DLC1: variants seen among roughly 807,000 people sequenced by gnomAD.
DLC1 encodes DLC1 Rho GTPase activating protein, also known as rho GTPase-activating protein 7.
A neutral mutation model predicts 140.3 loss-of-function variants in DLC1; 54 were observed. The observed-to-expected ratio is 0.38, with a 90% CI of 0.31 to 0.48. The LOEUF (loss-of-function observed/expected upper bound fraction) is 0.48, where lower values mean the gene tolerates loss of function less well. Among genes scored for constraint, DLC1 ranks in the 20% least tolerant of loss-of-function variants. The pLI is 0.96. For synonymous variants in DLC1, 986 were observed against 728.1 expected (o/e 1.35, Z -5.70); for missense variants, 2,536 against 1,907.0 (o/e 1.33, Z -6.14).
At chr8:13,217,992 A>G (rs751224329) in intron 5 of DLC1, among the ~76,000 whole-genome samples, 11 of 152,190 alleles carry the variant, frequency 7.2e-5, no homozygotes, top group Admixed American at 1.3e-4. Flanking sequence ...TACCAGAAAC[A>G]TGACAGAAGC....
intron 2 of DLC1, among the ~76,000 whole-genome samples, chr8:13,430,005 G>T (rs903634769): frequency 8.5e-5 from 13 of 152,072 alleles, no homozygotes; most frequent in African/African-American, 2.9e-4. Context: ...GATTCACCTC[G>T]AATCACCTTA....
intron 2 of DLC1, among the ~76,000 whole-genome samples, chr8:13,494,878 G>C (rs1055502058): frequency 6.6e-6 from 1 of 152,098 alleles, no homozygotes; most frequent in Admixed American, 6.5e-5. Flanking sequence ...TTGAACCCAG[G>C]AGGCGGAAGT....
At chr8:13,362,898 C>A (rs1216769141) in intron 4 of DLC1, among the ~76,000 whole-genome samples, 1 of 152,150 alleles carries the variant, frequency 6.6e-6, no homozygotes, top group African/African-American at 2.4e-5. Context: ...AGTGTTCCAG[C>A]ATCCTAGAGA....
intron 4 of DLC1, among the ~76,000 whole-genome samples, chr8:13,315,829 A>G (rs569320676): frequency 2.1e-3 from 326 of 152,318 alleles, no homozygotes; most frequent in Non-Finnish European, 3.5e-3. Context: ...GATCAGTTTA[A>G]CATTTGCCTC....
intron 4 of DLC1, among the ~76,000 whole-genome samples, chr8:13,384,904 T>C (rs289527): frequency 0.71 from 108,544 of 151,980 alleles, 39,052 homozygotes; most frequent in East Asian, 0.91. Flanking sequence ...AACAGGCTTA[T>C]CCTAGAGGCT....
chr8:13,594,551 C>T (rs374593207), intron 1 of DLC1, among the ~76,000 whole-genome samples: 14 of 152,080 alleles, frequency 9.2e-5, no homozygotes, highest in Admixed American at 5.9e-4. Flanking sequence ...CGATTTTCTG[C>T]GTAAGTCTTC....
At chr8:13,327,689 C>T (rs1165886957) in intron 4 of DLC1, among the ~76,000 whole-genome samples, 1 of 152,124 alleles carries the variant, frequency 6.6e-6, no homozygotes, top group African/African-American at 2.4e-5. Context: ...TGTACTGAGC[C>T]TCTACTCTGT....
At chr8:13,267,989 T>G (rs2117365201) in intron 5 of DLC1, among the ~76,000 whole-genome samples, 1 of 152,346 alleles carries the variant, frequency 6.6e-6, no homozygotes, top group African/African-American at 2.4e-5. Flanking sequence ...GCTGAAATTC[T>G]GTGGAATCAA....
At chr8:13,421,327 C>A (rs2046193) in intron 2 of DLC1, among the ~76,000 whole-genome samples, 4 of 151,914 alleles carry the variant, frequency 2.6e-5, no homozygotes, top group Non-Finnish European at 5.9e-5. Flanking sequence ...TCTGCAACCC[C>A]TAAAGTACCC....
At chr8:13,224,641 T>G (rs1350074774) in intron 5 of DLC1, among the ~76,000 whole-genome samples, 1 of 152,162 alleles carries the variant, frequency 6.6e-6, no homozygotes, top group East Asian at 1.9e-4. Flanking sequence ...TCTGCTTTGT[T>G]TTTCCTGTAC....
At chr8:13,179,303 AGTTG>A (rs201996313) in intron 5 of DLC1, among the ~76,000 whole-genome samples, 2,438 of 152,162 alleles carry the variant, frequency 0.016, 66 homozygotes, top group African/African-American at 0.055. Context: ...TCGTCTGCAG[AGTTG>A]GTTGGTAATG....
At chr8:13,363,371 GTTT>G (rs57084358) in intron 4 of DLC1, among the ~76,000 whole-genome samples, 28,191 of 144,124 alleles carry the variant, frequency 0.2, 2,912 homozygotes, top group Non-Finnish European at 0.24. Flanking sequence ...CATTTGCAGT[GTTT>G]TTTTTTTTTT....
At chr8:13,186,545 T>A (rs1209910399) in intron 5 of DLC1, among the ~76,000 whole-genome samples, 1 of 152,164 alleles carries the variant, frequency 6.6e-6, no homozygotes, top group Non-Finnish European at 1.5e-5. Flanking sequence ...AGGTAGCCAT[T>A]CGTCTAATCT....
rs574358451 is a variant in DLC1 at position 13,250,498 on chromosome 8, AG to A, written c.1348+54770del. 1.3e-3 allele frequency among the ~76,000 whole-genome samples: 203 copies of A among 152,332 alleles called. 3 individuals are homozygous for A. The highest frequency in any genetic ancestry group is 2.0e-3 in the Non-Finnish European group (138 of 68,034). ...GTAATTATTGTTATGGTAATTCTGGAGTAAAGTACTTACTTTAATCCACATC... is the reference window on the plus strand; with the variant it reads ...GTAATTATTGTTATGGTAATTCTGGATAAAGTACTTACTTTAATCCACATC... On this transcript the variant is annotated intron_variant, in intron 5 of 17. Transcript: ENST00000276297.
intron 2 of DLC1, among the ~76,000 whole-genome samples, chr8:13,474,886 C>T (rs180683733): frequency 6.6e-5 from 10 of 152,206 alleles, no homozygotes; most frequent in Non-Finnish European, 1.3e-4. Flanking sequence ...TTTGATTTTA[C>T]AGGCTCATAG....
chr8:13,362,079 C>G (rs912621046), intron 4 of DLC1, among the ~76,000 whole-genome samples: 2 of 152,212 alleles, frequency 1.3e-5, no homozygotes, highest in African/African-American at 2.4e-5. Flanking sequence ...TTTCCAGCCT[C>G]AGGCTCTGAA....
intron 5 of DLC1, among the ~76,000 whole-genome samples, chr8:13,168,348 C>G (rs1169182186): frequency 2.6e-5 from 4 of 152,164 alleles, no homozygotes; most frequent in Admixed American, 2.0e-4. Flanking sequence ...AGCTCTAGGT[C>G]TGTATCTAGA....
intron 2 of DLC1, among the ~76,000 whole-genome samples, chr8:13,418,391 A>C (rs1337732762): frequency 1.3e-5 from 2 of 152,142 alleles, no homozygotes; most frequent in Non-Finnish European, 2.9e-5. Flanking sequence ...TAATTTTTGT[A>C]TAAGGTGTAA....
chr8:13,100,141 C>G lies in DLC1; in HGVS notation c.2196G>C (p.Arg732Ser). Residue 732 changes from arginine (R) to serine (S), a missense_variant, in exon 9 of 18, where the codon AGG becomes AGC. Coordinates refer to ENST00000276297, the MANE Select transcript of DLC1 (RefSeq NM_182643.3). ...TGGTCTGCGTGGAGTTGGAAACGCT[C>G]CTCTTTCGTACCATGGGGACGTTGA... ...NRINVPMVRK[R>S]SVSNSTQTSS... 6.2e-7 allele frequency: 1 copy of G among 1,614,136 alleles called. No individual in the cohort carries two copies. The highest frequency in any genetic ancestry group is 1.3e-5 in the African/African-American group (1 of 75,062).
Sources: allele counts gnomAD v4.1 joint callset (sites outside exome capture counted in the v4.1 genomes callset), GRCh38; gene constraint gnomAD v4.1.1; transcripts MANE v1.5; gene names NCBI Gene and HGNC (gene_info 2026-07-23, HGNC 2026-07-21).